EGFLAM: variants seen among roughly 807,000 people sequenced by gnomAD.
The protein encoded by EGFLAM is pikachurin.
EGFLAM carries 79 observed loss-of-function variants against 113.1 expected under a neutral mutation model. The ratio of observed to expected loss-of-function variants is 0.70; its 90% confidence interval spans 0.58 to 0.84. EGFLAM has a LOEUF of 0.84. Among genes scored for constraint, EGFLAM ranks in the 40% least tolerant of loss-of-function variants. EGFLAM has a pLI of 0.00. For missense variants in EGFLAM, 1,265 were observed against 1,291.6 expected (o/e 0.98, Z 0.32); for synonymous variants, 504 against 487.6 (o/e 1.03, Z -0.44).
At chr5:38,329,955 C>G (rs898583825) in intron 1 of EGFLAM, among the ~76,000 whole-genome samples, 1 of 152,038 alleles carries the variant, frequency 6.6e-6, no homozygotes, top group African/African-American at 2.4e-5. Context: ...AGTGAAAATG[C>G]CAATAAAATA....
rs780558273 is a variant in EGFLAM, at chr5:38,403,874, GAGAGAA to G, written c.713-2251_713-2246del. Reference sequence around the variant, plus strand: ...CAGATACGCTGCATGCAGGTGGCTTGAGAGAACATGCATCCAGGTATAAATCTGGCA... The same window carrying G: ...CAGATACGCTGCATGCAGGTGGCTTGCATGCATCCAGGTATAAATCTGGCA... On this transcript the variant is annotated intron_variant, in intron 6 of 21. Transcript: ENST00000322350. 51 of 1,613,992 alleles carry G rather than the reference GAGAGAA, an allele frequency of 3.2e-5. No homozygotes were observed. The African/African-American group carries it at 5.7e-4, about 18-fold the overall frequency.
intron 1 of EGFLAM, among the ~76,000 whole-genome samples, chr5:38,286,872 G>A (rs1026096469): frequency 6.6e-6 from 1 of 152,206 alleles, no homozygotes; most frequent in African/African-American, 2.4e-5. Flanking sequence ...AGGCAGTCAT[G>A]TCCAATCTAA....
chr5:38,393,634 G>A (rs1446256865), intron 6 of EGFLAM, among the ~76,000 whole-genome samples: 2 of 152,236 alleles, frequency 1.3e-5, no homozygotes, highest in South Asian at 2.1e-4. Context: ...GGAGTGGCTG[G>A]TTTCACTCAG....
chr5:38,348,930 TC>T (rs1433491092), intron 3 of EGFLAM, among the ~76,000 whole-genome samples: 1 of 152,110 alleles, frequency 6.6e-6, no homozygotes, highest in Non-Finnish European at 1.5e-5. Flanking sequence ...ACAAATAGAC[TC>T]CTGGTTCTGT....
chr5:38,287,974 G>A (rs748121534), intron 1 of EGFLAM, among the ~76,000 whole-genome samples: 3 of 152,124 alleles, frequency 2.0e-5, no homozygotes, highest in Non-Finnish European at 4.4e-5. Context: ...ACCCATTAAC[G>A]CTTTGGAAAA....
intron 6 of EGFLAM, among the ~76,000 whole-genome samples, chr5:38,387,750 T>A (rs1204857764): frequency 6.6e-6 from 1 of 152,280 alleles, no homozygotes; most frequent in Non-Finnish European, 1.5e-5. Context: ...AACCAGTTAC[T>A]CTTGCTTGTA....
At chr5:38,411,922 C>G (rs4264964) in intron 10 of EGFLAM, among the ~76,000 whole-genome samples, 2,633 of 152,286 alleles carry the variant, frequency 0.017, 89 homozygotes, top group African/African-American at 0.06. Context: ...GCCTCAGCCT[C>G]TGGAGCAGCT....
intron 5 of EGFLAM, among the ~76,000 whole-genome samples, chr5:38,354,613 C>T (rs1739715292): frequency 1.3e-5 from 2 of 151,840 alleles, no homozygotes; most frequent in South Asian, 4.2e-4. Context: ...ACCTGTAATC[C>T]CACCTACTCA....
Position 38,427,019 on chromosome 5 carries a change from G to A in EGFLAM, c.1821G>A (p.Leu607=). The change falls in exon 14 of 22, where the codon TTG becomes TTA. Residue 607 remains leucine, a synonymous_variant. Coordinates refer to ENST00000322350, the MANE Select transcript of EGFLAM (RefSeq NM_152403.4). ...KGRHCEDAFT[L]TIPQFRESLR... is the part of the protein sequence containing the mutation. The stretch of plus-strand genomic sequence containing the variant: ...TGCTTGTTTTTTCAGCTTTCACCTT[G>A]ACCATTCCTCAGTTCAGAGAGTCTC... The A allele has an allele frequency of 6.2e-7, 1 of 1,613,820 alleles. No homozygotes were observed.
chr5:38,352,095 T>G, intron 4 of EGFLAM, 101 bp from the exon 5 acceptor site: 2 of 1,541,332 alleles, frequency 1.3e-6, no homozygotes, highest in Non-Finnish European at 1.8e-6. Flanking sequence ...ATGTATTATA[T>G]TAAACGTCTC....
At chr5:38,269,837 C>T (rs1440953603) in intron 1 of EGFLAM, among the ~76,000 whole-genome samples, 2 of 152,198 alleles carry the variant, frequency 1.3e-5, no homozygotes, top group African/African-American at 2.4e-5. Context: ...CTCATTTGAT[C>T]TTTGCAATCC....
chr5:38,313,388 TATC>T (rs371804471), intron 1 of EGFLAM, among the ~76,000 whole-genome samples: 1 of 152,328 alleles, frequency 6.6e-6, no homozygotes, highest in East Asian at 1.9e-4. Flanking sequence ...ACAAATATGT[TATC>T]ATAATTTGCT....
intron 1 of EGFLAM, among the ~76,000 whole-genome samples, chr5:38,298,551 G>A (rs1331994878): frequency 6.6e-6 from 1 of 152,084 alleles, no homozygotes; most frequent in Non-Finnish European, 1.5e-5. Context: ...CTATTATACA[G>A]CCCTATCTGA....
chr5:38,316,930 G>C (rs1738608902), intron 1 of EGFLAM, among the ~76,000 whole-genome samples: 2 of 152,198 alleles, frequency 1.3e-5, no homozygotes, highest in South Asian at 4.1e-4. Context: ...TGAGCAGGAT[G>C]AGTGGTTGAT....
chr5:38,433,712 T>A (rs1470934065), intron 15 of EGFLAM, among the ~76,000 whole-genome samples: 2 of 152,188 alleles, frequency 1.3e-5, no homozygotes, highest in Non-Finnish European at 2.9e-5. Context: ...CCATCTTATT[T>A]TAGCTTTTGT....
chr5:38,463,723 A>G, intron 21 of EGFLAM, 109 bp from the exon 22 acceptor site: 1 of 1,347,516 alleles, frequency 7.4e-7, no homozygotes, highest in Non-Finnish European at 1.0e-6. Context: ...CCATGAATCA[A>G]GGGATGCCTT....
At chr5:38,382,330 A>G (rs1023163391) in intron 6 of EGFLAM, among the ~76,000 whole-genome samples, 1 of 152,238 alleles carries the variant, frequency 6.6e-6, no homozygotes, top group Non-Finnish European at 1.5e-5. Context: ...ACATCACAAA[A>G]TTTAATAACA....
chr5:38,421,531 C>T (rs532527473), intron 12 of EGFLAM, among the ~76,000 whole-genome samples: 1 of 152,356 alleles, frequency 6.6e-6, no homozygotes, highest in Admixed American at 6.5e-5. Flanking sequence ...CTTCACTGAG[C>T]ACCTGCTTAG....
intron 1 of EGFLAM, among the ~76,000 whole-genome samples, chr5:38,301,973 C>G (rs896679175): frequency 6.6e-6 from 1 of 152,100 alleles, no homozygotes; most frequent in African/African-American, 2.4e-5. Flanking sequence ...GGGGCGGTGG[C>G]TCACACCTGT....
Sources: gnomAD v4.1 joint callset for allele counts (sites outside exome capture counted in the v4.1 genomes callset) on GRCh38, gnomAD v4.1.1 for gene constraint, MANE v1.5 for transcripts, NCBI Gene and HGNC (gene_info 2026-07-23, HGNC 2026-07-21) for gene names.